The following RABGAP1L variants were observed in gnomAD, a reference collection of about 807,000 sequenced individuals.
RABGAP1L encodes the protein rab GTPase-activating protein 1-like.
In RABGAP1L, 63 loss-of-function variants were observed where a neutral mutation model predicts 137.7. That is an observed-to-expected ratio of 0.46 (90% CI 0.37 to 0.56). The LOEUF (loss-of-function observed/expected upper bound fraction) is 0.56, where lower values mean the gene tolerates loss of function less well. RABGAP1L is among the 20% of genes least tolerant of loss of function. The pLI is 0.00. For missense variants in RABGAP1L, 1,095 were observed against 1,244.0 expected, an observed-to-expected ratio of 0.88 and a Z score of 1.80; for synonymous variants, 431 against 433.7, an observed-to-expected ratio of 0.99 and a Z score of 0.08.
intron 1 of RABGAP1L, among the ~76,000 whole-genome samples, chr1:174,213,207 C>T (rs1162096406): frequency 6.6e-6 from 1 of 152,042 alleles, no homozygotes; most frequent in African/African-American, 2.4e-5. Context: ...GGTGGATCAC[C>T]TGAGGTCAGG....
intron 3 of RABGAP1L, among the ~76,000 whole-genome samples, chr1:174,225,576 A>G (rs879166191): frequency 4.7e-5 from 7 of 150,154 alleles, no homozygotes; most frequent in African/African-American, 1.7e-4. Context: ...TTCTGGTTCC[A>G]AAGTATTTTC....
At chr1:174,645,391 C>T (rs1674879879) in intron 14 of RABGAP1L, among the ~76,000 whole-genome samples, 3 of 150,814 alleles carry the variant, frequency 2.0e-5, no homozygotes, top group Admixed American at 6.6e-5. Context: ...CTCCCCTAGC[C>T]CCCCACCCCC....
chr1:174,365,970 G>T (rs1012691478), intron 11 of RABGAP1L, among the ~76,000 whole-genome samples: 1 of 152,118 alleles, frequency 6.6e-6, no homozygotes, highest in Non-Finnish European at 1.5e-5. Flanking sequence ...AAATCAGAGT[G>T]AAGGTAAACA....
At chr1:174,675,590 A>G (rs937617141) in intron 14 of RABGAP1L, among the ~76,000 whole-genome samples, 22 of 152,028 alleles carry the variant, frequency 1.4e-4, no homozygotes, top group Non-Finnish European at 2.6e-4. Flanking sequence ...TTGGTTCCAT[A>G]TGAACTTTAA....
chr1:174,238,055 G>C (rs1208146142), intron 4 of RABGAP1L, among the ~76,000 whole-genome samples: 3 of 151,728 alleles, frequency 2.0e-5, no homozygotes, highest in Admixed American at 6.6e-5. Flanking sequence ...TCTTCCAGTT[G>C]ATCGCATCGG....
At chr1:174,331,612 T>C (rs953018371) in intron 11 of RABGAP1L, among the ~76,000 whole-genome samples, 2 of 152,224 alleles carry the variant, frequency 1.3e-5, no homozygotes, top group Non-Finnish European at 2.9e-5. Context: ...AAATGTCTAT[T>C]ATCAAAAACA....
At chr1:174,463,907 A>C (rs1447338635) in intron 13 of RABGAP1L, among the ~76,000 whole-genome samples, 1 of 152,152 alleles carries the variant, frequency 6.6e-6, no homozygotes, top group Non-Finnish European at 1.5e-5. Context: ...ATTTGATATA[A>C]TCCAGATATT....
At chr1:174,965,093 C>T in intron 20 of RABGAP1L, 1 of 742,404 alleles carries the variant, frequency 1.3e-6, no homozygotes, top group Non-Finnish European at 2.2e-6. Flanking sequence ...CCCAGCTGTA[C>T]ATCTCCTATC....
At chr1:174,520,953 A>G (rs1663312398) in intron 13 of RABGAP1L, among the ~76,000 whole-genome samples, 1 of 152,198 alleles carries the variant, frequency 6.6e-6, no homozygotes, top group African/African-American at 2.4e-5. Context: ...GTGAGCTGAG[A>G]TTGCACCACT....
chr1:174,832,081 C>T (rs1692164357), intron 19 of RABGAP1L, among the ~76,000 whole-genome samples: 2 of 147,236 alleles, frequency 1.4e-5, no homozygotes, highest in South Asian at 4.5e-4. Context: ...TCACCTGAGG[C>T]CAGGAGTTCG....
At chr1:174,754,645 G>T (rs1270152222) in intron 18 of RABGAP1L, among the ~76,000 whole-genome samples, 1 of 152,090 alleles carries the variant, frequency 6.6e-6, no homozygotes, top group Non-Finnish European at 1.5e-5. Flanking sequence ...AGAATTACAG[G>T]TAGATGCCAC....
intron 13 of RABGAP1L, among the ~76,000 whole-genome samples, chr1:174,489,642 C>G (rs1660027833): frequency 6.6e-6 from 1 of 152,130 alleles, no homozygotes; most frequent in Non-Finnish European, 1.5e-5. Context: ...GGATCTAGAA[C>G]TAGAAATAGC....
chr1:174,735,710 C>A (rs1682883715), intron 17 of RABGAP1L, among the ~76,000 whole-genome samples: 1 of 147,032 alleles, frequency 6.8e-6, no homozygotes, highest in Non-Finnish European at 1.5e-5. Context: ...ACAGGCTGTA[C>A]AAGCATGACT....
intron 13 of RABGAP1L, among the ~76,000 whole-genome samples, chr1:174,407,409 G>A (rs1296395933): frequency 6.6e-6 from 1 of 151,578 alleles, no homozygotes; most frequent in Admixed American, 6.6e-5. Flanking sequence ...AGGGGTTAGT[G>A]GCTGGCTTCC....
intron 11 of RABGAP1L, among the ~76,000 whole-genome samples, chr1:174,349,356 G>C (rs1682811677): frequency 7.6e-6 from 1 of 131,828 alleles, no homozygotes; most frequent in Non-Finnish European, 1.7e-5. Flanking sequence ...CGGGCAGGGG[G>C]GCTGACCCCC....
intron 18 of RABGAP1L, among the ~76,000 whole-genome samples, chr1:174,755,449 T>TTTTTCTGA (rs1228307113): frequency 7.9e-5 from 12 of 152,210 alleles, no homozygotes; most frequent in African/African-American, 2.9e-4. Flanking sequence ...GGCACAGAAA[T>TTTTTCTGA]TTTTCAGTCA....
intron 20 of RABGAP1L, among the ~76,000 whole-genome samples, chr1:174,963,739 C>T (rs1669373958): frequency 1.3e-5 from 2 of 151,830 alleles, no homozygotes; most frequent in African/African-American, 4.8e-5. Context: ...CACAACCACA[C>T]CTGTTTATTT....
chr1:174,248,748 T>TA (rs1356058748), intron 5 of RABGAP1L, among the ~76,000 whole-genome samples: 4 of 152,200 alleles, frequency 2.6e-5, no homozygotes, highest in African/African-American at 9.6e-5. Context: ...ACTCTTCTGT[T>TA]ATAGGGAGTA....
rs141679984 is a variant in RABGAP1L at position 174,617,777 on chromosome 1, C to A, written c.1711-19598C>A. ...GCCAAATAGGAACAGCTCCAGTCTA[C>A]ATCTCCCAGCGTGAGCGACGCAGAA... On this transcript the variant is annotated intron_variant, in intron 13 of 25. Transcript: ENST00000681986. Among the ~76,000 whole-genome samples the A allele has an allele frequency of 2.2e-4, 33 of 152,316 alleles. No homozygotes were observed. In the East Asian group the frequency reaches 6.0e-3, roughly 28 times the overall value.
Sources: gnomAD v4.1 joint callset for allele counts (sites outside exome capture counted in the v4.1 genomes callset) on GRCh38, gnomAD v4.1.1 for gene constraint, MANE v1.5 for transcripts, NCBI Gene and HGNC (gene_info 2026-07-23, HGNC 2026-07-21) for gene names.